The following TNFRSF1B variants were observed in gnomAD, a reference collection of about 807,000 sequenced individuals.
The protein encoded by TNFRSF1B is tumor necrosis factor receptor superfamily member 1B.
In TNFRSF1B, 19 loss-of-function variants were observed where a neutral mutation model predicts 44.6. That is an observed-to-expected ratio of 0.43 (90% CI 0.30 to 0.62). The LOEUF (loss-of-function observed/expected upper bound fraction) is 0.62, where lower values mean the gene tolerates loss of function less well. Ranked by LOEUF, TNFRSF1B falls within the 20% of genes least tolerant of loss-of-function variation. The pLI, the probability that TNFRSF1B is intolerant of heterozygous loss-of-function variation, is 0.16. For missense variants in TNFRSF1B, 541 were observed against 619.9 expected (o/e 0.87, Z 1.35); for synonymous variants, 252 against 261.1 (o/e 0.97, Z 0.34).
At position 12,180,982 on chromosome 1, in the gene TNFRSF1B, A is replaced by G. The variant is rs1419834322; in HGVS notation, c.79-7814A>G. Among the ~76,000 whole-genome samples the G allele has an allele frequency of 6.6e-6, 1 of 152,140 alleles. No homozygotes were observed. Among genetic ancestry groups the G allele is most frequent in the Non-Finnish European group, 1.5e-5 (1 of 68,004 alleles). On this transcript the variant is annotated intron_variant, in intron 1 of 9. Coordinates refer to ENST00000376259, the MANE Select transcript of TNFRSF1B (RefSeq NM_001066.3). This position sits in a 1 kb window ranked among gnomAD's most constrained non-coding sequence, Gnocchi z 4.3. Reference sequence around the variant, plus strand: ...CAAGGTCCCTGTCAAGGAGGACCACATCTGGCCTGTTGCACTCTTCTCCTT... The same window carrying G: ...CAAGGTCCCTGTCAAGGAGGACCACGTCTGGCCTGTTGCACTCTTCTCCTT...
At chr1:12,181,106 G>C (rs565776801) in intron 1 of TNFRSF1B, among the ~76,000 whole-genome samples, 1 of 152,258 alleles carries the variant, frequency 6.6e-6, no homozygotes, top group East Asian at 1.9e-4. Flanking sequence ...CCAGCCTGGG[G>C]GTGAACTGCC....
Position 12,208,056 on chromosome 1 carries a change from C to T in TNFRSF1B, c.*1036C>T, listed in dbSNP as rs1639552024. On this transcript the variant is annotated 3_prime_UTR_variant, in exon 10 of 10. Transcript: ENST00000376259. ...TAACGCACTTCTAACTAGAAATCTG[C>T]CAATTTTTTAAAAAAGTAAGTACCA... The T allele has an allele frequency of 6.6e-6, 1 of 152,320 alleles. No individual in the cohort carries two copies. Among genetic ancestry groups the T allele is most frequent in the Admixed American group, 6.5e-5 (1 of 15,284 alleles). The allele number at this position is 152,320 out of a possible 1,614,324, so 9.4% of individuals were successfully genotyped here.
chr1:12,167,295 C>T (rs913617548), intron 1 of TNFRSF1B, 126 bp downstream of exon 1: 2 of 678,388 alleles, frequency 2.9e-6, no homozygotes, highest in Non-Finnish European at 4.1e-6. Flanking sequence ...CTGGGAGTCC[C>T]AGTCGCCGCC....
intron 8 of TNFRSF1B, among the ~76,000 whole-genome samples, chr1:12,197,265 G>C (rs915763242): frequency 6.6e-6 from 1 of 152,086 alleles, no homozygotes; most frequent in Non-Finnish European, 1.5e-5. Flanking sequence ...TTTCACTGTT[G>C]CTCTCAGTGT....
At chr1:12,191,106 A>G in intron 3 of TNFRSF1B, 21 bp downstream of exon 3, 1 of 1,609,150 alleles carries the variant, frequency 6.2e-7, no homozygotes, top group Middle Eastern at 1.7e-4. Context: ...TCAGAGAAAA[A>G]GGGGGCCCTT....
intron 1 of TNFRSF1B, among the ~76,000 whole-genome samples, chr1:12,173,421 A>G (rs899424406): frequency 6.6e-6 from 1 of 152,184 alleles, no homozygotes; most frequent in African/African-American, 2.4e-5. Context: ...CTCAGGCTCC[A>G]GGGCCATCAA....
At chr1:12,198,150 T>C (rs938624550) in intron 8 of TNFRSF1B, among the ~76,000 whole-genome samples, 2 of 146,948 alleles carry the variant, frequency 1.4e-5, no homozygotes, top group Non-Finnish European at 3.0e-5. Context: ...AACCAATATG[T>C]GAGCTTACCC....
intron 1 of TNFRSF1B, 49 bp downstream of exon 1, chr1:12,167,218 C>T (rs925027703): frequency 5.7e-6 from 7 of 1,218,568 alleles, no homozygotes; most frequent in East Asian, 3.3e-5. Context: ...GCATGTCCAC[C>T]CGGCTGGTGC....
rs1219631480 is a variant in TNFRSF1B, at chr1:12,192,448, G to A, written c.475G>A (p.Val159Met). 1.2e-6 allele frequency: 2 copies of A among 1,614,024 alleles called. No homozygotes were observed. Among genetic ancestry groups the A allele is most frequent in the Non-Finnish European group, 1.7e-6 (2 of 1,180,014 alleles). The change falls in exon 5 of 10, where the codon GTG becomes ATG. Residue 159 changes from valine (V) to methionine (M), a missense_variant. Physicochemically the swap from Val to Met is conservative, Grantham distance 21. Transcript: ENST00000376259. ...VARPGTETSD[V>M]VCKPCAPGTF... ...CCCTGAAGGAACTGAAACATCAGAC[G>A]TGGTGTGCAAGCCCTGTGCCCCGGG...
chr1:12,197,956 T>G (rs1389150118), intron 8 of TNFRSF1B, among the ~76,000 whole-genome samples: 1 of 151,890 alleles, frequency 6.6e-6, no homozygotes, highest in Admixed American at 6.6e-5. Flanking sequence ...AAACCCCATC[T>G]CTACTAAAAA....
chr1:12,172,260 A>G (rs903620862), intron 1 of TNFRSF1B, among the ~76,000 whole-genome samples: 2 of 152,002 alleles, frequency 1.3e-5, no homozygotes, highest in African/African-American at 4.8e-5. Flanking sequence ...AGCACTGATG[A>G]CTCTGGGGAA....
rs553462995 is a variant in TNFRSF1B, at chr1:12,199,387, G to A, written c.901-2580G>A. Among the ~76,000 whole-genome samples the A allele has an allele frequency of 1.8e-4, 27 of 152,362 alleles. No homozygotes were observed. The highest frequency in any genetic ancestry group is 3.2e-4 in the Non-Finnish European group (22 of 68,034). ...AACTGGGGGACCCAGCCCAGGGAGG[G>A]TGTGGGGGTTCCTGGGGAAGCTGGT... On this transcript the variant is annotated intron_variant, in intron 8 of 9. Transcript: ENST00000376259. The surrounding 1 kb of genome is among the most constrained non-coding windows in gnomAD (Gnocchi z 4.0).
Position 12,186,704 on chromosome 1 carries a change from G to A in TNFRSF1B, c.79-2092G>A, listed in dbSNP as rs1638994667. Among the ~76,000 whole-genome samples, 1 of 152,240 alleles carries A rather than the reference G, an allele frequency of 6.6e-6. No homozygotes were observed. Among genetic ancestry groups the A allele is most frequent in the Non-Finnish European group, 1.5e-5 (1 of 68,042 alleles). The stretch of plus-strand genomic sequence containing the variant: ...GATCTCGATCTTGTACTGGCCACAT[G>A]ACTGCAGCTGGCAGTACAGTGGGGA... On this transcript the variant is annotated intron_variant, in intron 1 of 9. Transcript: ENST00000376259. This position sits in a 1 kb window ranked among gnomAD's most constrained non-coding sequence, Gnocchi z 4.8.
At position 12,208,912 on chromosome 1, in the gene TNFRSF1B, C is replaced by A. The variant is rs915642546; in HGVS notation, c.*1892C>A. 1.3e-5 allele frequency: 2 copies of A among 152,358 alleles called. No homozygotes were observed. Among genetic ancestry groups the A allele is most frequent in the African/African-American group, 4.8e-5 (2 of 41,424 alleles). 9.4% of individuals were successfully genotyped at this position (152,358 alleles called of 1,614,324 possible). On this transcript the variant is annotated 3_prime_UTR_variant, in exon 10 of 10. Coordinates refer to ENST00000376259, the MANE Select transcript of TNFRSF1B (RefSeq NM_001066.3). The stretch of plus-strand genomic sequence containing the variant: ...AGCGAGCTATGATCGCGCCACTACA[C>A]TCCAGCCTGAGCAACAGAGTGAGAC...
At position 12,209,066 on chromosome 1, in the gene TNFRSF1B, TTCCTTG is replaced by T. The variant is rs1639574845; in HGVS notation, c.*2047_*2052del. On this transcript the variant is annotated 3_prime_UTR_variant, in exon 10 of 10. Transcript: ENST00000376259. Reference sequence around the variant, plus strand: ...GGACAGTCCTGGGAGAACCTCAGGCTTCCTTGGCATCACAGGGCAGAGCCGGGAAGC... The same window carrying T: ...GGACAGTCCTGGGAGAACCTCAGGCTGCATCACAGGGCAGAGCCGGGAAGC... 1.3e-5 allele frequency: 2 copies of T among 152,308 alleles called. No homozygotes were observed. The highest frequency in any genetic ancestry group is 6.5e-5 in the Admixed American group (1 of 15,278). The allele number at this position is 152,308 out of a possible 1,614,324, so 9.4% of individuals were successfully genotyped here.
rs1010864456 is a variant in TNFRSF1B, at chr1:12,186,676, A to T, written c.79-2120A>T. ...CCCCATGACTCGTTCACTAAAGGTT[A>T]TGGATCTCGATCTTGTACTGGCCAC... On this transcript the variant is annotated intron_variant, in intron 1 of 9. Transcript: ENST00000376259. This position sits in a 1 kb window ranked among gnomAD's most constrained non-coding sequence, Gnocchi z 4.8. Among the ~76,000 whole-genome samples the T allele has an allele frequency of 2.0e-5, 3 of 152,144 alleles. No individual in the cohort carries two copies. Among genetic ancestry groups the T allele is most frequent in the African/African-American group, 7.2e-5 (3 of 41,438 alleles).
chr1:12,167,412 G>A, intron 1 of TNFRSF1B: 1 of 429,372 alleles, frequency 2.3e-6, no homozygotes, highest in Non-Finnish European at 4.2e-6. Flanking sequence ...CCTCTTACCC[G>A]CGTCGTGACA....
At chr1:12,188,185 G>A (rs776241536) in intron 1 of TNFRSF1B, among the ~76,000 whole-genome samples, 1 of 119,004 alleles carries the variant, frequency 8.4e-6, no homozygotes, top group African/African-American at 2.6e-5. Flanking sequence ...TGCATCACAT[G>A]AGTGTGTGTG....
rs773618391 is a variant in TNFRSF1B at position 12,206,872 on chromosome 1, C to T, written c.1238C>T (p.Ser413Leu). 111 of 1,614,112 alleles carry T rather than the reference C, an allele frequency of 6.9e-5. No individual in the cohort carries two copies. The highest frequency in any genetic ancestry group is 8.9e-5 in the East Asian group (4 of 44,890). ...STMGDTDSSP[S>L]ESPKDEQVPF... ...ATGGGAGACACAGATTCCAGCCCCTCGGAGTCCCCGAAGGACGAGCAGGTC... is the reference window on the plus strand; with the variant it reads ...ATGGGAGACACAGATTCCAGCCCCTTGGAGTCCCCGAAGGACGAGCAGGTC... The change falls in exon 10 of 10, where the codon TCG becomes TTG. Residue 413 changes from serine to leucine, a missense_variant. Coordinates refer to ENST00000376259, the MANE Select transcript of TNFRSF1B (RefSeq NM_001066.3).
Sources: gnomAD v4.1 joint callset for allele counts (sites outside exome capture counted in the v4.1 genomes callset) on GRCh38, gnomAD v4.1.1 for gene constraint, Gnocchi (gnomAD v3.1) non-coding constraint, MANE v1.5 for transcripts, NCBI Gene and HGNC (gene_info 2026-07-23, HGNC 2026-07-21) for gene names.